Variants in RAP1GAP2 observed in about 807,000 individuals in gnomAD.
RAP1GAP2 encodes rap1 GTPase-activating protein 2.
Under a neutral mutation model 95.0 loss-of-function variants are expected in RAP1GAP2, and 27 were observed. The observed-to-expected ratio is 0.28, with a 90% confidence interval of 0.21 to 0.39. RAP1GAP2 has a LOEUF of 0.39. Among genes scored for constraint, RAP1GAP2 ranks in the 10% least tolerant of loss-of-function variants. The probability of loss-of-function intolerance (pLI) is 1.00; values close to 1 mark genes in which losing one functional copy is unlikely to be tolerated. For missense variants in RAP1GAP2, 771 were observed against 970.0 expected, an observed-to-expected ratio of 0.79 and a Z score of 2.72; for synonymous variants, 373 against 380.9, an observed-to-expected ratio of 0.98 and a Z score of 0.24.
At chr17:3,017,354 AG>A (rs1164913777) in intron 17 of RAP1GAP2, among the ~76,000 whole-genome samples, 5 of 151,400 alleles carry the variant, frequency 3.3e-5, no homozygotes, top group Admixed American at 3.3e-4. Context: ...TGCCAGGCTG[AG>A]GGTGCATCTC....
upstream of RAP1GAP2, chr17:2,796,385 TG>T: frequency 1.2e-6 from 1 of 861,610 alleles, no homozygotes; most frequent in Admixed American, 2.2e-5. This position sits in a 1 kb window ranked among gnomAD's most constrained non-coding sequence, Gnocchi z 4.7. Context: ...AAGCTCGGGT[TG>T]GGGGCAGGCG....
At chr17:2,953,802 G>A (rs956152605) in intron 3 of RAP1GAP2, among the ~76,000 whole-genome samples, 1 of 152,108 alleles carries the variant, frequency 6.6e-6, no homozygotes, top group Non-Finnish European at 1.5e-5. Flanking sequence ...AGCTGACATC[G>A]CGCCATTGCA....
rs1367172142 is a variant in RAP1GAP2 at position 3,008,190 on chromosome 17, G to A, written c.1494+45G>A. On this transcript the variant is annotated intron_variant, in intron 17 of 24. Coordinates refer to ENST00000254695, the MANE Select transcript of RAP1GAP2 (RefSeq NM_015085.5). The surrounding 1 kb of genome is among the most constrained non-coding windows in gnomAD (Gnocchi z 4.2). ...TGATGGTTGCTGTGGGGTTGGGATTGGGGAAGAAAGGAAGTGGTCCAAGGT... is the reference window on the plus strand; with the variant it reads ...TGATGGTTGCTGTGGGGTTGGGATTAGGGAAGAAAGGAAGTGGTCCAAGGT... 6.2e-7 allele frequency: 1 copy of A among 1,610,462 alleles called. No homozygotes were observed. The highest frequency in any genetic ancestry group is 8.5e-7 in the Non-Finnish European group (1 of 1,177,638).
Position 3,026,419 on chromosome 17 carries a change from C to T in RAP1GAP2, c.1935C>T (p.Ser645=), listed in dbSNP as rs1157795781. The T allele has an allele frequency of 1.3e-6, 2 of 1,552,758 alleles. No individual in the cohort carries two copies. Among genetic ancestry groups the T allele is most frequent in the South Asian group, 2.4e-5 (2 of 84,120 alleles). The part of the protein sequence containing the change: ...SRSSSSTSSV[S]STAGEGEAME... ...CCTCCTCCAGCACCAGCAGCGTCAG[C>T]AGCACTGCAGGGGAGGGCGAGGCCA... Residue 645 remains serine, a synonymous_variant, in exon 21 of 25, where the codon AGC becomes AGT. Transcript: ENST00000254695.
chr17:2,868,374 AG>A (rs1346981817), intron 2 of RAP1GAP2, among the ~76,000 whole-genome samples: 2 of 152,198 alleles, frequency 1.3e-5, no homozygotes, highest in African/African-American at 4.8e-5. Context: ...GGAAAAACCC[AG>A]GGGGATATAT....
At position 3,034,233 on chromosome 17, in the gene RAP1GAP2, G is replaced by C. The variant is rs1297338761; in HGVS notation, c.*872G>C. 2 of 157,430 alleles carry C rather than the reference G, an allele frequency of 1.3e-5. No individual in the cohort carries two copies. Among genetic ancestry groups the C allele is most frequent in the African/African-American group, 4.8e-5 (2 of 41,544 alleles). 9.8% of individuals were successfully genotyped at this position (157,430 alleles called of 1,614,324 possible). ...TTCCCACAAAGGGGTGGGAAGCCAG[G>C]AGTGAGAAGGAATTCAGGGAGAGCA... On this transcript the variant is annotated 3_prime_UTR_variant, in exon 25 of 25. Coordinates refer to ENST00000254695, the MANE Select transcript of RAP1GAP2 (RefSeq NM_015085.5). The surrounding 1 kb of genome is among the most constrained non-coding windows in gnomAD (Gnocchi z 5.1).
intron 1 of RAP1GAP2, among the ~76,000 whole-genome samples, chr17:2,769,002 A>C (rs1451157253): frequency 6.6e-6 from 1 of 150,752 alleles, no homozygotes; most frequent in African/African-American, 2.4e-5. Context: ...CCAGGCAGGA[A>C]GATCGCTTGA....
intron 2 of RAP1GAP2, among the ~76,000 whole-genome samples, chr17:2,885,943 G>A (rs76276355): frequency 0.021 from 3,236 of 152,236 alleles, 108 homozygotes; most frequent in African/African-American, 0.073. Context: ...CAGGAAGGCC[G>A]AAATGCCGGC....
intron 16 of RAP1GAP2, among the ~76,000 whole-genome samples, chr17:3,007,062 G>A (rs911905724): frequency 2.0e-5 from 3 of 152,128 alleles, no homozygotes; most frequent in African/African-American, 7.2e-5. Flanking sequence ...GGAAGGGAGG[G>A]CTGATCTGGC....
chr17:2,829,726 C>T (rs1317276538), intron 2 of RAP1GAP2, among the ~76,000 whole-genome samples: 1 of 151,872 alleles, frequency 6.6e-6, no homozygotes, highest in African/African-American at 2.4e-5. Context: ...TCCTGGCTGT[C>T]GGATGTCAGA....
upstream of RAP1GAP2, among the ~76,000 whole-genome samples, chr17:2,774,531 G>C (rs958177184): frequency 6.8e-6 from 1 of 147,548 alleles, no homozygotes; most frequent in African/African-American, 2.5e-5. Flanking sequence ...ACCCAGGCTG[G>C]AGTGCAGTAG....
At chr17:3,002,036 C>T (rs1238280779) in intron 14 of RAP1GAP2, among the ~76,000 whole-genome samples, 1 of 150,086 alleles carries the variant, frequency 6.7e-6, no homozygotes, top group Non-Finnish European at 1.5e-5. Flanking sequence ...GATCTTGGCT[C>T]ACTGCAACCT....
intron 2 of RAP1GAP2, among the ~76,000 whole-genome samples, chr17:2,890,271 C>CATT (rs1205593472): frequency 6.6e-6 from 1 of 152,124 alleles, no homozygotes; most frequent in East Asian, 1.9e-4. Context: ...GTGAGAATAA[C>CATT]ATTATTATAG....
At chr17:2,879,722 T>C (rs919200884) in intron 2 of RAP1GAP2, among the ~76,000 whole-genome samples, 2 of 92,684 alleles carry the variant, frequency 2.2e-5, no homozygotes, top group African/African-American at 8.7e-5. Flanking sequence ...CGAGACTCCA[T>C]CTCAAAAAAA....
At chr17:3,021,940 T>G (rs117127112) in intron 19 of RAP1GAP2, among the ~76,000 whole-genome samples, 3 of 152,250 alleles carry the variant, frequency 2.0e-5, no homozygotes, top group African/African-American at 7.2e-5. Flanking sequence ...AGTGCTGCAA[T>G]AAACATGGGA....
At chr17:2,764,962 G>A (rs924804308) in intron 1 of RAP1GAP2, among the ~76,000 whole-genome samples, 2 of 152,088 alleles carry the variant, frequency 1.3e-5, no homozygotes, top group African/African-American at 4.8e-5. Flanking sequence ...ACCCAACGAT[G>A]GGGAAAGTCA....
intron 19 of RAP1GAP2, among the ~76,000 whole-genome samples, chr17:3,021,610 A>C (rs2046964530): frequency 1.3e-5 from 2 of 151,864 alleles, no homozygotes; most frequent in South Asian, 4.2e-4. Context: ...AATTTTTGTA[A>C]TTTTGGTAGA....
At chr17:2,971,884 G>A (rs2044880324) in intron 8 of RAP1GAP2, among the ~76,000 whole-genome samples, 1 of 152,062 alleles carries the variant, frequency 6.6e-6, no homozygotes, top group Non-Finnish European at 1.5e-5. Flanking sequence ...GATAAACCTA[G>A]GTTTCTTTTG....
chr17:2,908,317 T>C (rs1335752699), intron 3 of RAP1GAP2, among the ~76,000 whole-genome samples: 3 of 152,164 alleles, frequency 2.0e-5, no homozygotes, highest in Non-Finnish European at 4.4e-5. Context: ...AGCAGACGCT[T>C]GGACATTCTG....
Sources: allele counts gnomAD v4.1 joint callset (sites outside exome capture counted in the v4.1 genomes callset), GRCh38; gene constraint gnomAD v4.1.1; non-coding constraint Gnocchi (gnomAD v3.1); transcripts MANE v1.5; gene names NCBI Gene and HGNC (gene_info 2026-07-23, HGNC 2026-07-21).